The following CFAP299 variants were observed in gnomAD, a reference collection of about 807,000 sequenced individuals.
The protein encoded by CFAP299 is cilia- and flagella-associated protein 299.
CFAP299 carries 21 observed loss-of-function variants against 27.0 expected under a neutral mutation model. The observed-to-expected ratio is 0.78, with a 90% CI of 0.55 to 1.12. The LOEUF (loss-of-function observed/expected upper bound fraction) is 1.12, where lower values mean the gene tolerates loss of function less well. Among genes scored for constraint, CFAP299 ranks in the 50% most tolerant of loss-of-function variants. The probability of loss-of-function intolerance (pLI) is 0.00; values close to 1 mark genes in which losing one functional copy is unlikely to be tolerated. For missense variants in CFAP299, 310 were observed against 276.6 expected (o/e 1.12, Z -0.86); for synonymous variants, 104 against 98.1 (o/e 1.06, Z -0.36).
intron 2 of CFAP299, among the ~76,000 whole-genome samples, chr4:80,515,625 T>A (rs371082933): frequency 6.6e-6 from 1 of 152,308 alleles, no homozygotes; most frequent in Middle Eastern, 3.4e-3. Flanking sequence ...AAAGAAAATA[T>A]GATGTCCCAG....
At chr4:80,696,993 A>G (rs778724317) in intron 3 of CFAP299, among the ~76,000 whole-genome samples, 3 of 152,220 alleles carry the variant, frequency 2.0e-5, no homozygotes, top group Non-Finnish European at 2.9e-5. Flanking sequence ...AAGGTCTAAT[A>G]TTTTTGTAAA....
chr4:80,484,493 C>T (rs1289126138), intron 2 of CFAP299, among the ~76,000 whole-genome samples: 1 of 152,098 alleles, frequency 6.6e-6, no homozygotes, highest in Non-Finnish European at 1.5e-5. Flanking sequence ...TTCCTTACTT[C>T]TTAACAAACT....
chr4:80,414,928 C>G (rs185567468), intron 2 of CFAP299, among the ~76,000 whole-genome samples: 7 of 152,276 alleles, frequency 4.6e-5, no homozygotes, highest in African/African-American at 1.7e-4. Flanking sequence ...AAGGGTGGGA[C>G]TATTCCCTTT....
chr4:80,667,339 A>G (rs1741193012), intron 3 of CFAP299, among the ~76,000 whole-genome samples: 1 of 152,164 alleles, frequency 6.6e-6, no homozygotes, highest in Non-Finnish European at 1.5e-5. Flanking sequence ...TTTATGCTAG[A>G]AACTTTTGAA....
chr4:80,626,351 A>G (rs1738903227), intron 3 of CFAP299, among the ~76,000 whole-genome samples: 1 of 151,924 alleles, frequency 6.6e-6, no homozygotes, highest in Admixed American at 6.6e-5. Flanking sequence ...TTGAATCACA[A>G]CATACCCAAA....
chr4:80,613,968 G>A (rs1248859938), intron 3 of CFAP299, among the ~76,000 whole-genome samples: 1 of 152,124 alleles, frequency 6.6e-6, no homozygotes, highest in African/African-American at 2.4e-5. Context: ...GCAGGCACAT[G>A]TTTGATTCAT....
chr4:80,556,437 A>G (rs1230580556), intron 2 of CFAP299, among the ~76,000 whole-genome samples: 3 of 152,116 alleles, frequency 2.0e-5, no homozygotes, highest in African/African-American at 7.2e-5. Context: ...CTGATAATAT[A>G]TATTAAGACG....
chr4:80,590,512 C>T (rs1736677888), intron 3 of CFAP299, among the ~76,000 whole-genome samples: 1 of 151,972 alleles, frequency 6.6e-6, no homozygotes, highest in South Asian at 2.1e-4. Flanking sequence ...GTGGCGGGTG[C>T]CTGTAACTCA....
At chr4:80,687,318 T>C (rs1193643599) in intron 3 of CFAP299, among the ~76,000 whole-genome samples, 1 of 151,958 alleles carries the variant, frequency 6.6e-6, no homozygotes, top group Non-Finnish European at 1.5e-5. Flanking sequence ...CTCTTGAAGT[T>C]TTTTTTTATA....
intron 3 of CFAP299, among the ~76,000 whole-genome samples, chr4:80,660,802 T>C (rs1320661790): frequency 6.6e-6 from 1 of 152,140 alleles, no homozygotes; most frequent in Non-Finnish European, 1.5e-5. Flanking sequence ...CTATAAATTA[T>C]TGTAGCAGCC....
chr4:80,451,012 C>T (rs1360767274), intron 2 of CFAP299, among the ~76,000 whole-genome samples: 1 of 151,930 alleles, frequency 6.6e-6, no homozygotes, highest in Non-Finnish European at 1.5e-5. Flanking sequence ...TGATCACATT[C>T]AGGTAATATC....
At chr4:80,873,892 A>G (rs1365770331) in intron 4 of CFAP299, among the ~76,000 whole-genome samples, 1 of 152,220 alleles carries the variant, frequency 6.6e-6, no homozygotes, top group East Asian at 1.9e-4. Context: ...TAGAGCTTCC[A>G]TGAAATATTC....
intron 3 of CFAP299, among the ~76,000 whole-genome samples, chr4:80,653,623 G>A (rs1304109253): frequency 6.6e-6 from 1 of 151,994 alleles, no homozygotes; most frequent in Non-Finnish European, 1.5e-5. Flanking sequence ...AAACATATTA[G>A]CACTTCCATT....
chr4:80,544,421 G>A (rs943414682), intron 2 of CFAP299, among the ~76,000 whole-genome samples: 1 of 152,104 alleles, frequency 6.6e-6, no homozygotes, highest in African/African-American at 2.4e-5. Flanking sequence ...GTCATAGAGT[G>A]GCAAGTTGGA....
chr4:80,322,474 T>G, the CFAP299 span, among the ~76,000 whole-genome samples: 941 of 152,320 alleles, frequency 6.2e-3, 2 homozygotes, highest in Middle Eastern at 0.02. Flanking sequence ...CCCCCTGTGC[T>G]TGTACAATCC....
intron 2 of CFAP299, among the ~76,000 whole-genome samples, chr4:80,523,146 T>A (rs1186210686): frequency 6.6e-6 from 1 of 152,166 alleles, no homozygotes; most frequent in Non-Finnish European, 1.5e-5. Context: ...TCTTTAGGTC[T>A]TCTTTGATTT....
the CFAP299 span, among the ~76,000 whole-genome samples, chr4:80,323,061 G>A: frequency 6.6e-6 from 1 of 152,216 alleles, no homozygotes; most frequent in Non-Finnish European, 1.5e-5. Flanking sequence ...AGCTAAGAAA[G>A]TAGGGTAGAA....
At chr4:80,498,228 A>T (rs1207334020) in intron 2 of CFAP299, among the ~76,000 whole-genome samples, 1 of 152,192 alleles carries the variant, frequency 6.6e-6, no homozygotes, top group Non-Finnish European at 1.5e-5. Context: ...AATGGTAACA[A>T]AAATGAAAAT....
At chr4:80,692,728 G>T (rs1720807160) in intron 3 of CFAP299, among the ~76,000 whole-genome samples, 1 of 152,082 alleles carries the variant, frequency 6.6e-6, no homozygotes, top group Admixed American at 6.5e-5. Context: ...CTTCTGCACA[G>T]CAAAAGAAAC....
Sources: allele counts gnomAD v4.1 joint callset (sites outside exome capture counted in the v4.1 genomes callset), GRCh38; gene constraint gnomAD v4.1.1; transcripts MANE v1.5; gene names NCBI Gene and HGNC (gene_info 2026-07-23, HGNC 2026-07-21).